The following RGS8 variants were observed in gnomAD, a reference collection of about 807,000 sequenced individuals.
The protein encoded by RGS8 is regulator of G protein signaling 8.
Under a neutral mutation model 21.7 loss-of-function variants are expected in RGS8, and 8 were observed. The observed-to-expected ratio is 0.37, with a 90% CI of 0.22 to 0.66. RGS8 has a LOEUF of 0.66. Among genes scored for constraint, RGS8 ranks in the 30% least tolerant of loss-of-function variants. The probability of loss-of-function intolerance (pLI) is 0.59; values close to 1 mark genes in which losing one functional copy is unlikely to be tolerated. For missense variants in RGS8, 157 were observed against 217.9 expected (o/e 0.72, Z 1.76); for synonymous variants, 80 against 83.6 (o/e 0.96, Z 0.24).
the RGS8 span, among the ~76,000 whole-genome samples, chr1:182,690,878 G>T: frequency 6.6e-6 from 1 of 152,180 alleles, no homozygotes; most frequent in African/African-American, 2.4e-5. Flanking sequence ...TAGCAAACAG[G>T]ATGCAAGTAG....
the RGS8 span, among the ~76,000 whole-genome samples, chr1:182,712,055 C>T: frequency 6.6e-6 from 1 of 152,140 alleles, no homozygotes; most frequent in Non-Finnish European, 1.5e-5. Context: ...CCTACAATAA[C>T]CCTGCAAAGT....
At chr1:182,675,346 T>A (rs751529526), upstream of RGS8, among the ~76,000 whole-genome samples, 2 of 152,178 alleles carry the variant, frequency 1.3e-5, no homozygotes, top group Non-Finnish European at 2.9e-5. Context: ...GATGCTGCCA[T>A]ATGAGAGGTT....
At chr1:182,692,947 C>T in the RGS8 span, among the ~76,000 whole-genome samples, 1 of 152,176 alleles carries the variant, frequency 6.6e-6, no homozygotes, top group African/African-American at 2.4e-5. Context: ...TGAAACCAGA[C>T]CCCTTTCTTA....
At chr1:182,686,260 A>G (rs538865673), upstream of RGS8, among the ~76,000 whole-genome samples, 22 of 152,340 alleles carry the variant, frequency 1.4e-4, no homozygotes, top group Non-Finnish European at 2.4e-4. Flanking sequence ...TGCAATGTAA[A>G]GGGTCCATTG....
the RGS8 span, among the ~76,000 whole-genome samples, chr1:182,743,452 G>A: frequency 1.8e-4 from 27 of 152,290 alleles, no homozygotes; most frequent in East Asian, 5.2e-3. Flanking sequence ...GATAGAGGTT[G>A]TGAAAAGGAC....
chr1:182,656,604 T>C (rs561761097), intron 5 of RGS8, among the ~76,000 whole-genome samples: 1 of 152,332 alleles, frequency 6.6e-6, no homozygotes, highest in East Asian at 1.9e-4. Context: ...TGCCATGTTC[T>C]CTCAGGCAGC....
intron 5 of RGS8, among the ~76,000 whole-genome samples, chr1:182,662,920 G>C (rs1346449436): frequency 6.6e-6 from 1 of 151,364 alleles, no homozygotes; most frequent in Non-Finnish European, 1.5e-5. Flanking sequence ...AACGGAACAG[G>C]GATGGCAAAG....
the RGS8 span, among the ~76,000 whole-genome samples, chr1:182,737,617 T>C: frequency 2.0e-5 from 3 of 152,230 alleles, no homozygotes; most frequent in African/African-American, 7.2e-5. Flanking sequence ...ACCATGATTG[T>C]GAGGCCTCCC....
chr1:182,676,349 C>T (rs1023348441), upstream of RGS8, among the ~76,000 whole-genome samples: 1 of 152,162 alleles, frequency 6.6e-6, no homozygotes, highest in African/African-American at 2.4e-5. Flanking sequence ...TTTAATAAAA[C>T]AGTCATTTGG....
At chr1:182,724,228 ATATATATATATATATATATC>A in the RGS8 span, among the ~76,000 whole-genome samples, 1 of 114,122 alleles carries the variant, frequency 8.8e-6, no homozygotes, top group Non-Finnish European at 1.9e-5. Context: ...ATATATATAT[ATATATATATATATATATATC>A]CTATTATTTC....
At chr1:182,718,475 G>A in the RGS8 span, among the ~76,000 whole-genome samples, 2 of 152,194 alleles carry the variant, frequency 1.3e-5, no homozygotes, top group Non-Finnish European at 2.9e-5. Context: ...ACCTGGCATC[G>A]CACTTCCTGA....
At chr1:182,700,718 T>G in the RGS8 span, among the ~76,000 whole-genome samples, 1 of 152,228 alleles carries the variant, frequency 6.6e-6, no homozygotes, top group Non-Finnish European at 1.5e-5. Flanking sequence ...ATTAATGCAA[T>G]GTCTAATTTT....
the RGS8 span, among the ~76,000 whole-genome samples, chr1:182,752,101 G>A: frequency 6.6e-6 from 1 of 152,134 alleles, no homozygotes; most frequent in Non-Finnish European, 1.5e-5. Context: ...GAACCCCACA[G>A]CTGAGAAACA....
the RGS8 span, among the ~76,000 whole-genome samples, chr1:182,742,584 C>T: frequency 3.3e-5 from 5 of 152,234 alleles, no homozygotes; most frequent in Non-Finnish European, 7.3e-5. Context: ...CAAAAAAATA[C>T]GAAAACCAGT....
chr1:182,651,936 G>A (rs576235768), intron 5 of RGS8, among the ~76,000 whole-genome samples: 6 of 152,222 alleles, frequency 3.9e-5, no homozygotes, highest in Non-Finnish European at 8.8e-5. Context: ...GCAGTGACCA[G>A]TCCACGATTT....
chr1:182,691,422 C>T, the RGS8 span, among the ~76,000 whole-genome samples: 1 of 152,004 alleles, frequency 6.6e-6, no homozygotes, highest in South Asian at 2.1e-4. Context: ...CTGAATCCAG[C>T]AGCATGTCAA....
At chr1:182,681,458 C>T (rs781662600) in intron 1 of RGS8, among the ~76,000 whole-genome samples, 17 of 152,198 alleles carry the variant, frequency 1.1e-4, no homozygotes, top group Admixed American at 2.0e-4. Context: ...TTTTTAATGA[C>T]TTCAGGCAAT....
upstream of RGS8, among the ~76,000 whole-genome samples, chr1:182,676,323 T>C (rs1229800462): frequency 6.6e-6 from 1 of 152,222 alleles, no homozygotes; most frequent in African/African-American, 2.4e-5. Flanking sequence ...CCTAGGATAA[T>C]ACCACATTTA....
At chr1:182,741,287 C>T in the RGS8 span, among the ~76,000 whole-genome samples, 1 of 95,544 alleles carries the variant, frequency 1.0e-5, no homozygotes, top group Non-Finnish European at 2.2e-5. Context: ...ACCTCCCGGA[C>T]GGGGCGGCTG....
Sources: gnomAD v4.1 joint callset for allele counts (sites outside exome capture counted in the v4.1 genomes callset) on GRCh38, gnomAD v4.1.1 for gene constraint, MANE v1.5 for transcripts, NCBI Gene and HGNC (gene_info 2026-07-23, HGNC 2026-07-21) for gene names.